Variants in MAGI2 observed in about 807,000 individuals in gnomAD.
The protein encoded by MAGI2 is membrane associated guanylate kinase, WW and PDZ domain containing 2.
In MAGI2, 35 loss-of-function variants were observed where a neutral mutation model predicts 133.3. That is an observed-to-expected ratio of 0.26 (90% confidence interval 0.20 to 0.35). The LOEUF (loss-of-function observed/expected upper bound fraction) is 0.35, where lower values mean the gene tolerates loss of function less well. MAGI2 is among the 10% of genes least tolerant of loss of function. The pLI is 1.00. For missense variants in MAGI2, 1,636 were observed against 1,863.4 expected (o/e 0.88, Z 2.25); for synonymous variants, 729 against 710.6 (o/e 1.03, Z -0.41).
chr7:79,101,723 CA>C (rs376256842), intron 1 of MAGI2, among the ~76,000 whole-genome samples: 4,566 of 112,690 alleles, frequency 0.041, 85 homozygotes, highest in African/African-American at 0.086. Flanking sequence ...GACTCTGTCA[CA>C]AAAAAAAAAA....
rs1288705327 is a variant in MAGI2, at chr7:78,133,022, G to C, written c.3070C>G (p.Gln1024Glu). The C allele has an allele frequency of 2.5e-6, 4 of 1,590,536 alleles. No homozygotes were observed. The highest frequency in any genetic ancestry group is 3.4e-6 in the Non-Finnish European group (4 of 1,170,988). The part of the protein sequence containing the change: ...SPTSAPSSEK[Q>E]SPMAQQSPLA... ...GGACTCTGCTGCGCCATGGGACTCTGCTTCTCTGAGCTGGGTGCCGAGGTG... is the reference window on the plus strand; with the variant it reads ...GGACTCTGCTGCGCCATGGGACTCTCCTTCTCTGAGCTGGGTGCCGAGGTG... Residue 1024 changes from glutamine (Q) to glutamate (E), a missense_variant, in exon 18 of 22, where the codon CAG becomes GAG. This residue lies in a region of MAGI2 where 920 missense variants were observed against 1,093.5 expected (regional missense o/e 0.84). Coordinates refer to ENST00000354212, the MANE Select transcript of MAGI2 (RefSeq NM_012301.4).
intron 1 of MAGI2, among the ~76,000 whole-genome samples, chr7:79,423,164 A>T (rs924308740): frequency 3.9e-5 from 6 of 152,062 alleles, no homozygotes; most frequent in Non-Finnish European, 8.8e-5. Flanking sequence ...AAATATACGT[A>T]TTGGTACTTT....
intron 9 of MAGI2, among the ~76,000 whole-genome samples, chr7:78,300,131 A>G (rs1428508111): frequency 6.6e-6 from 1 of 152,188 alleles, no homozygotes; most frequent in African/African-American, 2.4e-5. Context: ...AGACATTTTT[A>G]TATTATAGTT....
chr7:78,811,312 C>T lies in MAGI2; in HGVS notation c.419-184073G>A, dbSNP rs246459. Among the ~76,000 whole-genome samples, 790 of 151,912 alleles carry T rather than the reference C, an allele frequency of 5.2e-3. 5 individuals are homozygous for T. Among genetic ancestry groups the T allele is most frequent in the African/African-American group, 0.018 (747 of 41,488 alleles). Reference sequence around the variant, plus strand: ...AACTTTTGTATTTTAATTTATAACACTTAGAGGACCTAAGAAGATGCTGAT... The same window carrying T: ...AACTTTTGTATTTTAATTTATAACATTTAGAGGACCTAAGAAGATGCTGAT... On this transcript the variant is annotated intron_variant, in intron 2 of 21. Coordinates refer to ENST00000354212, the MANE Select transcript of MAGI2 (RefSeq NM_012301.4).
chr7:78,994,371 G>C (rs1329967165), intron 2 of MAGI2, among the ~76,000 whole-genome samples: 2 of 152,112 alleles, frequency 1.3e-5, no homozygotes, highest in Non-Finnish European at 2.9e-5. Flanking sequence ...GGTCTTTTTG[G>C]AGTCTTTGGG....
intron 2 of MAGI2, among the ~76,000 whole-genome samples, chr7:78,731,124 T>C (rs115171611): frequency 9.8e-4 from 149 of 152,234 alleles, no homozygotes; most frequent in African/African-American, 3.4e-3. Context: ...ATTACTTCCT[T>C]TGGGTGAATC....
intron 1 of MAGI2, among the ~76,000 whole-genome samples, chr7:79,408,713 A>G (rs1845965279): frequency 6.6e-6 from 1 of 152,074 alleles, no homozygotes; most frequent in African/African-American, 2.4e-5. Flanking sequence ...AAGATTTTGG[A>G]TGGCGTGATT....
At chr7:78,485,314 T>C (rs1419346975) in intron 6 of MAGI2, 3 of 152,034 alleles carry the variant, frequency 2.0e-5, no homozygotes, top group Admixed American at 2.0e-4. Context: ...TTCTGCCATG[T>C]AGACTGCTGC....
chr7:78,108,278 G>A (rs968493791), intron 20 of MAGI2, among the ~76,000 whole-genome samples: 4 of 152,068 alleles, frequency 2.6e-5, no homozygotes, highest in Non-Finnish European at 5.9e-5. Flanking sequence ...CATTTGTATT[G>A]TTTCCAAAGT....
At chr7:78,691,372 C>T (rs1353716080) in intron 2 of MAGI2, among the ~76,000 whole-genome samples, 1 of 152,134 alleles carries the variant, frequency 6.6e-6, no homozygotes, top group Non-Finnish European at 1.5e-5. Flanking sequence ...ATTGCAGGGT[C>T]TGGCATGCAG....
chr7:78,853,355 TTTTTTTTTTTTTTTTTTTG>T (rs1408070973), intron 2 of MAGI2, among the ~76,000 whole-genome samples: 11 of 106,332 alleles, frequency 1.0e-4, no homozygotes, highest in Non-Finnish European at 1.4e-4. Context: ...TTTTTTTTTT[TTTTTTTTTTTTTTTTTTTG>T]AGACAGAGTC....
At chr7:78,982,724 T>A (rs1804897903) in intron 2 of MAGI2, among the ~76,000 whole-genome samples, 2 of 127,088 alleles carry the variant, frequency 1.6e-5, no homozygotes, top group Admixed American at 8.2e-5. Flanking sequence ...AAGGAACACC[T>A]AATGGAAAAT....
At chr7:78,346,255 T>C (rs568513467) in intron 7 of MAGI2, among the ~76,000 whole-genome samples, 1 of 152,350 alleles carries the variant, frequency 6.6e-6, no homozygotes, top group Non-Finnish European at 1.5e-5. Context: ...GGCTCTCTCA[T>C]ATGTTATTCT....
chr7:78,858,668 C>A (rs988891817), intron 2 of MAGI2, among the ~76,000 whole-genome samples: 2 of 152,126 alleles, frequency 1.3e-5, no homozygotes, highest in African/African-American at 4.8e-5. Flanking sequence ...TGCTTTACTT[C>A]CAACTATGTG....
chr7:78,199,093 C>T (rs924315154), intron 11 of MAGI2, among the ~76,000 whole-genome samples: 2 of 152,140 alleles, frequency 1.3e-5, no homozygotes, highest in African/African-American at 2.4e-5. Context: ...GTCTTCCTGG[C>T]CTTCACCTAT....
At chr7:79,404,676 C>A (rs1403805222) in intron 1 of MAGI2, among the ~76,000 whole-genome samples, 1 of 152,050 alleles carries the variant, frequency 6.6e-6, no homozygotes, top group African/African-American at 2.4e-5. Flanking sequence ...GAGCTAGGCC[C>A]AATGCTGTTC....
chr7:78,984,236 C>G lies in MAGI2; in HGVS notation c.418+22854G>C, dbSNP rs1805043893. Among the ~76,000 whole-genome samples the G allele has an allele frequency of 2.6e-5, 4 of 152,096 alleles. 1 individual carries two copies. The South Asian group carries it at 8.3e-4, about 32-fold the overall frequency. On this transcript the variant is annotated intron_variant, in intron 2 of 21. Transcript: ENST00000354212. ...CCATCCTCTCTGCTTACAACAGCTTCCTAATCTAACTGGTCTCCCTGCTTC... is the reference window on the plus strand; with the variant it reads ...CCATCCTCTCTGCTTACAACAGCTTGCTAATCTAACTGGTCTCCCTGCTTC...
chr7:78,752,715 C>A (rs1407201439), intron 2 of MAGI2, among the ~76,000 whole-genome samples: 1 of 152,190 alleles, frequency 6.6e-6, no homozygotes, highest in Non-Finnish European at 1.5e-5. Context: ...GCCTGGCTAA[C>A]TTCTAACAAC....
intron 2 of MAGI2, among the ~76,000 whole-genome samples, chr7:78,862,954 G>T (rs953072937): frequency 1.3e-5 from 2 of 152,148 alleles, no homozygotes; most frequent in Non-Finnish European, 2.9e-5. Flanking sequence ...ACTTTTTTCT[G>T]CCAATTCTAA....
Sources: allele counts gnomAD v4.1 joint callset (sites outside exome capture counted in the v4.1 genomes callset), GRCh38; gene constraint gnomAD v4.1.1; regional missense constraint gnomAD v4.1.1; transcripts MANE v1.5; gene names NCBI Gene and HGNC (gene_info 2026-07-23, HGNC 2026-07-21).